The following LYRM4 variants were observed in gnomAD, a reference collection of about 807,000 sequenced individuals.
LYRM4 encodes LYR motif containing 4.
Under a neutral mutation model 11.7 loss-of-function variants are expected in LYRM4, and 9 were observed. The observed-to-expected ratio is 0.77, with a 90% CI of 0.46 to 1.34. The LOEUF (loss-of-function observed/expected upper bound fraction) is 1.34. Ranked by LOEUF, LYRM4 falls within the 40% of genes most tolerant of loss-of-function variation. The pLI is 0.00. For synonymous variants in LYRM4, 42 were observed against 40.4 expected, an observed-to-expected ratio of 1.04 and a Z score of -0.15; for missense variants, 133 against 112.5, an observed-to-expected ratio of 1.18 and a Z score of -0.82.
chr6:5,234,524 C>A (rs1763425027), intron 1 of LYRM4, among the ~76,000 whole-genome samples: 1 of 152,232 alleles, frequency 6.6e-6, no homozygotes, highest in Non-Finnish European at 1.5e-5. Context: ...GGGAGTAACT[C>A]AGCCAGGGGC....
At chr6:5,139,952 G>A (rs1467355618) in intron 2 of LYRM4, among the ~76,000 whole-genome samples, 2 of 149,826 alleles carry the variant, frequency 1.3e-5, no homozygotes, top group Admixed American at 6.7e-5. Context: ...ATCCTCCCAC[G>A]TAAGCCTCCC....
At chr6:5,162,995 G>A (rs963564820) in intron 2 of LYRM4, among the ~76,000 whole-genome samples, 1 of 151,990 alleles carries the variant, frequency 6.6e-6, no homozygotes, top group Non-Finnish European at 1.5e-5. Flanking sequence ...ATATATTGTG[G>A]ATATAAATTT....
chr6:5,048,596 C>T, the LYRM4 span, among the ~76,000 whole-genome samples: 15 of 152,198 alleles, frequency 9.9e-5, no homozygotes, highest in African/African-American at 3.6e-4. Context: ...AGTGATCCTA[C>T]CAAAGAGCTG....
intron 2 of LYRM4, among the ~76,000 whole-genome samples, chr6:5,175,932 T>G (rs533155513): frequency 6.6e-6 from 1 of 152,252 alleles, no homozygotes; most frequent in South Asian, 2.1e-4. Context: ...TCCGGGTGAT[T>G]CCAAACCCCA....
At chr6:5,208,910 G>A (rs1052689889) in intron 2 of LYRM4, among the ~76,000 whole-genome samples, 1 of 152,062 alleles carries the variant, frequency 6.6e-6, no homozygotes, top group Non-Finnish European at 1.5e-5. Context: ...CTTCGACAGG[G>A]GGCTGGGGAA....
chr6:5,216,230 C>T (rs1480188313), intron 2 of LYRM4, among the ~76,000 whole-genome samples: 1 of 152,098 alleles, frequency 6.6e-6, no homozygotes, highest in African/African-American at 2.4e-5. Flanking sequence ...AAAAGGGCCA[C>T]GTTCTGTTTA....
intron 2 of LYRM4, among the ~76,000 whole-genome samples, chr6:5,116,046 G>C (rs552876622): frequency 6.6e-6 from 1 of 152,156 alleles, no homozygotes; most frequent in African/African-American, 2.4e-5. Flanking sequence ...AGACACATAG[G>C]AAGTGCTCAG....
At chr6:5,147,887 A>G (rs1475365827) in intron 2 of LYRM4, among the ~76,000 whole-genome samples, 1 of 152,204 alleles carries the variant, frequency 6.6e-6, no homozygotes, top group Non-Finnish European at 1.5e-5. Context: ...TCCAGGTCTC[A>G]TTGATAGCCA....
At position 5,260,931 on chromosome 6, in the gene LYRM4, G is replaced by C. The variant is rs955433679; in HGVS notation, c.-198C>G. 40 of 1,353,344 alleles carry C rather than the reference G, an allele frequency of 3.0e-5. No homozygotes were observed. The highest frequency in any genetic ancestry group is 3.1e-5 in the African/African-American group (2 of 64,208). 83.8% of individuals were successfully genotyped at this position (1,353,344 alleles called of 1,614,324 possible). A position where few individuals can be genotyped will look rare whatever the true frequency, so the allele number is the denominator to read the frequency against. Reference sequence around the variant, plus strand: ...GCCAGGCGTCCCGCGCCGCTTCGGGGGCGGGCGCAGGCAGGGCTCGGGGCA... The same window carrying C: ...GCCAGGCGTCCCGCGCCGCTTCGGGCGCGGGCGCAGGCAGGGCTCGGGGCA... On this transcript the variant is annotated 5_prime_UTR_variant, in exon 1 of 3. Coordinates refer to ENST00000330636, the MANE Select transcript of LYRM4 (RefSeq NM_020408.6).
chr6:5,122,627 C>A (rs1763509982), intron 2 of LYRM4, among the ~76,000 whole-genome samples: 1 of 152,194 alleles, frequency 6.6e-6, no homozygotes, highest in Non-Finnish European at 1.5e-5. Flanking sequence ...CCTCCTCTCG[C>A]CGACCCAGTG....
At chr6:5,148,059 A>G (rs956423443) in intron 2 of LYRM4, among the ~76,000 whole-genome samples, 1 of 151,950 alleles carries the variant, frequency 6.6e-6, no homozygotes, top group Non-Finnish European at 1.5e-5. Flanking sequence ...CTCTCCCTTC[A>G]CGTCACCTTA....
At chr6:5,144,616 C>T (rs1444456466) in intron 2 of LYRM4, among the ~76,000 whole-genome samples, 1 of 110,174 alleles carries the variant, frequency 9.1e-6, no homozygotes, top group African/African-American at 3.6e-5. Flanking sequence ...CACAGCGAGA[C>T]TCCGTCTCAA....
intron 2 of LYRM4, among the ~76,000 whole-genome samples, chr6:5,211,332 C>G (rs1249081742): frequency 6.6e-6 from 1 of 152,148 alleles, no homozygotes; most frequent in East Asian, 1.9e-4. Context: ...AAACACTGAA[C>G]CATATAATAG....
At chr6:5,242,479 G>C (rs943955873) in intron 1 of LYRM4, among the ~76,000 whole-genome samples, 3 of 151,500 alleles carry the variant, frequency 2.0e-5, no homozygotes, top group Admixed American at 6.6e-5. Context: ...CAGCACTTTG[G>C]GGGGCCGAGG....
At chr6:5,254,444 T>C (rs1764579056) in intron 1 of LYRM4, among the ~76,000 whole-genome samples, 2 of 152,208 alleles carry the variant, frequency 1.3e-5, no homozygotes, top group Admixed American at 6.5e-5. Flanking sequence ...TTGTAATAGT[T>C]CCTATTTTGA....
the LYRM4 span, among the ~76,000 whole-genome samples, chr6:5,083,229 C>A: frequency 6.6e-6 from 1 of 152,218 alleles, no homozygotes; most frequent in African/African-American, 2.4e-5. Context: ...TCGCCACCAC[C>A]TCAAAATCTC....
chr6:5,054,084 C>T, the LYRM4 span: 1 of 982,298 alleles, frequency 1.0e-6, no homozygotes, highest in East Asian at 1.1e-4. Flanking sequence ...TTACCTTCAT[C>T]CAGGAACTAA....
At chr6:5,152,281 T>C (rs1320813435) in intron 2 of LYRM4, among the ~76,000 whole-genome samples, 1 of 152,156 alleles carries the variant, frequency 6.6e-6, no homozygotes, top group Non-Finnish European at 1.5e-5. Context: ...GCTGCTTCCC[T>C]GATCAGCTGC....
intron 2 of LYRM4, among the ~76,000 whole-genome samples, chr6:5,206,431 G>A (rs530587342): frequency 8.5e-5 from 13 of 152,308 alleles, no homozygotes; most frequent in Non-Finnish European, 1.8e-4. Flanking sequence ...ACTTATCAGT[G>A]GAGTGGAATA....
Sources: allele counts gnomAD v4.1 joint callset (sites outside exome capture counted in the v4.1 genomes callset), GRCh38; gene constraint gnomAD v4.1.1; transcripts MANE v1.5; gene names NCBI Gene and HGNC (gene_info 2026-07-23, HGNC 2026-07-21).